RPTOR: variants seen among roughly 807,000 people sequenced by gnomAD.
RPTOR encodes the protein regulatory-associated protein of mTOR.
RPTOR carries 21 observed loss-of-function variants against 169.9 expected under a neutral mutation model. The ratio of observed to expected loss-of-function variants is 0.12; its 90% CI spans 0.09 to 0.18. RPTOR has a LOEUF of 0.18. RPTOR is among the 10% of genes least tolerant of loss of function. RPTOR has a pLI of 1.00. For missense variants in RPTOR, 1,133 were observed against 1,855.9 expected (o/e 0.61, Z 7.16); for synonymous variants, 732 against 753.2 (o/e 0.97, Z 0.46).
At chr17:80,949,798 C>T (rs1004910617) in intron 28 of RPTOR, among the ~76,000 whole-genome samples, 7 of 152,386 alleles carry the variant, frequency 4.6e-5, no homozygotes, top group South Asian at 2.1e-4. Context: ...CTGTCCCCAA[C>T]CTTCATCCTT....
rs369927723 is a variant in RPTOR, at chr17:80,857,754, C to T, written c.1399-36C>T. 52 of 1,507,588 alleles carry T rather than the reference C, an allele frequency of 3.4e-5. 1 individual carries two copies. Among genetic ancestry groups the T allele is most frequent in the Middle Eastern group, 3.4e-4 (2 of 5,800 alleles). The allele number at this position is 1,507,588 out of a possible 1,614,324, so 93.4% of individuals were successfully genotyped here. A position where few individuals can be genotyped will look rare whatever the true frequency, so the allele number is the denominator to read the frequency against. On this transcript the variant is annotated intron_variant, in intron 12 of 33. Coordinates refer to ENST00000306801, the MANE Select transcript of RPTOR (RefSeq NM_020761.3). The stretch of plus-strand genomic sequence containing the variant: ...CCTGCTGCTGCCCGTTCCCTTGCTG[C>T]GGCACAGGTGCGCTGACGCCCTCCC...
At chr17:80,789,518 T>C (rs530628793) in intron 6 of RPTOR, among the ~76,000 whole-genome samples, 14 of 152,294 alleles carry the variant, frequency 9.2e-5, no homozygotes, top group Admixed American at 5.2e-4. Flanking sequence ...TCCACGGGGA[T>C]CCTGGGAATA....
chr17:80,743,536 C>T, intron 5 of RPTOR: 1 of 819,508 alleles, frequency 1.2e-6, no homozygotes, highest in Non-Finnish European at 1.5e-6. Context: ...TGAAAGAGGT[C>T]ATCAGTTCTT....
chr17:80,811,969 A>ACACAGC (rs1279967473), intron 7 of RPTOR, among the ~76,000 whole-genome samples: 42 of 151,898 alleles, frequency 2.8e-4, no homozygotes, highest in Non-Finnish European at 5.9e-5. Context: ...CACCCGTGGG[A>ACACAGC]CACAGCCACA....
chr17:80,879,483 A>T (rs1218133711), intron 13 of RPTOR, among the ~76,000 whole-genome samples: 1 of 147,662 alleles, frequency 6.8e-6, no homozygotes, highest in African/African-American at 2.5e-5. Flanking sequence ...TAGCAGCAGG[A>T]GTCTTTTCCC....
At chr17:80,800,973 C>A (rs925235596) in intron 7 of RPTOR, among the ~76,000 whole-genome samples, 8 of 152,358 alleles carry the variant, frequency 5.3e-5, no homozygotes, top group African/African-American at 1.9e-4. Context: ...TCTGGTAGCA[C>A]GGCTGCCCCG....
In RPTOR at chr17:80,845,034, GT is replaced by G. The variant is rs1175670918; in HGVS notation, c.1213-1437del. Among the ~76,000 whole-genome samples the G allele has an allele frequency of 9.2e-5, 14 of 151,452 alleles. No homozygotes were observed. The highest frequency in any genetic ancestry group is 1.5e-5 in the Non-Finnish European group (1 of 67,870). On this transcript the variant is annotated intron_variant, in intron 10 of 33. Coordinates refer to ENST00000306801, the MANE Select transcript of RPTOR (RefSeq NM_020761.3). The surrounding 1 kb of genome is among the most constrained non-coding windows in gnomAD (Gnocchi z 5.4). ...GGGCTCAGGGAAGGCAGAGCTGTGT[GT>G]TAAGTGGAAGTGACTCTCCGTGGAG...
intron 3 of RPTOR, among the ~76,000 whole-genome samples, chr17:80,672,769 G>A (rs934808380): frequency 4.0e-5 from 6 of 151,844 alleles, no homozygotes; most frequent in Non-Finnish European, 7.4e-5. Context: ...CAGCCTGGGC[G>A]ACAGAGCGAG....
At chr17:80,808,902 T>C (rs944055432) in intron 7 of RPTOR, among the ~76,000 whole-genome samples, 1 of 152,236 alleles carries the variant, frequency 6.6e-6, no homozygotes, top group Non-Finnish European at 1.5e-5. Context: ...GTGTCACAGT[T>C]TGTTTCACCT....
rs2069115829 is a variant in RPTOR, at chr17:80,947,356, G to A, written c.3265+5G>A. On this transcript the variant is annotated splice_donor_5th_base_variant and intron_variant, in intron 27 of 33. Coordinates refer to ENST00000306801, the MANE Select transcript of RPTOR (RefSeq NM_020761.3). The surrounding 1 kb of genome is among the most constrained non-coding windows in gnomAD (Gnocchi z 4.4). ...CGCTTCTGCTGACGGCCACAGGTGAGCGGGGTTTGCACAGCCAGGATTGGA... is the reference window on the plus strand; with the variant it reads ...CGCTTCTGCTGACGGCCACAGGTGAACGGGGTTTGCACAGCCAGGATTGGA... 3.2e-6 allele frequency: 5 copies of A among 1,557,976 alleles called. No homozygotes were observed. The highest frequency in any genetic ancestry group is 3.5e-6 in the Non-Finnish European group (4 of 1,154,346).
In RPTOR at chr17:80,625,830, G is replaced by A. The variant is rs374291231; in HGVS notation, c.265+37G>A. 80 of 1,470,648 alleles carry A rather than the reference G, an allele frequency of 5.4e-5. No individual in the cohort carries two copies. The African/African-American group carries it at 7.6e-4, about 14-fold the overall frequency. 91.1% of individuals were successfully genotyped at this position (1,470,648 alleles called of 1,614,324 possible). A position where few individuals can be genotyped will look rare whatever the true frequency, so the allele number is the denominator to read the frequency against. ...TCCCTCACGCGCTGCCACAAAGGCC[G>A]TCTGGCCGGCTCTGGCCTGGGCGGG... On this transcript the variant is annotated intron_variant, in intron 2 of 33. Transcript: ENST00000306801.
At chr17:80,931,781 CAG>C (rs1377034205) in intron 24 of RPTOR, among the ~76,000 whole-genome samples, 1 of 152,208 alleles carries the variant, frequency 6.6e-6, no homozygotes, top group East Asian at 1.9e-4. Flanking sequence ...CTGCCTCAGT[CAG>C]AGTCTGGGCT....
chr17:80,748,261 G>A (rs368493898), intron 5 of RPTOR, among the ~76,000 whole-genome samples: 27 of 37,774 alleles, frequency 7.1e-4, no homozygotes, highest in African/African-American at 3.5e-3. Flanking sequence ...TTTGGAGGCC[G>A]TGGCGGGAGG....
At chr17:80,850,385 C>G (rs368698229) in intron 11 of RPTOR, among the ~76,000 whole-genome samples, 1 of 152,212 alleles carries the variant, frequency 6.6e-6, no homozygotes, top group African/African-American at 2.4e-5. Context: ...GCAACAGACA[C>G]GATTTCATTC....
intron 21 of RPTOR, among the ~76,000 whole-genome samples, chr17:80,913,746 C>T (rs2068639202): frequency 6.6e-6 from 1 of 152,162 alleles, no homozygotes; most frequent in Non-Finnish European, 1.5e-5. Context: ...AGCCACTGCA[C>T]CTGGCCTGCT....
intron 5 of RPTOR, among the ~76,000 whole-genome samples, chr17:80,742,614 CACAT>C (rs1472942682): frequency 6.6e-6 from 1 of 151,374 alleles, no homozygotes; most frequent in South Asian, 2.1e-4. Flanking sequence ...AGATGCCACA[CACAT>C]ACACACGCAC....
intron 3 of RPTOR, among the ~76,000 whole-genome samples, chr17:80,688,046 C>T (rs574781140): frequency 3.9e-5 from 6 of 152,296 alleles, no homozygotes; most frequent in Admixed American, 6.5e-5. Context: ...CATGCTGTAG[C>T]CCAAAGCATG....
chr17:80,708,334 C>T lies in RPTOR; in HGVS notation c.507+335C>T, dbSNP rs1010725868. On this transcript the variant is annotated intron_variant, in intron 4 of 33. Transcript: ENST00000306801. The surrounding 1 kb of genome is among the most constrained non-coding windows in gnomAD (Gnocchi z 4.2). Reference sequence around the variant, plus strand: ...AAAAAATTGCACAATTTCTCAATTTCGTTAGAATCTTTCTTTAAGCATCGG... The same window carrying T: ...AAAAAATTGCACAATTTCTCAATTTTGTTAGAATCTTTCTTTAAGCATCGG... Among the ~76,000 whole-genome samples, 1 of 152,194 alleles carries T rather than the reference C, an allele frequency of 6.6e-6. No homozygotes were observed. The highest frequency in any genetic ancestry group is 1.5e-5 in the Non-Finnish European group (1 of 68,020).
intron 2 of RPTOR, among the ~76,000 whole-genome samples, chr17:80,638,567 A>G (rs929891197): frequency 6.6e-6 from 1 of 151,898 alleles, no homozygotes; most frequent in African/African-American, 2.4e-5. Context: ...ACGCTGATTA[A>G]TTAAAAAAAA....
Sources: gnomAD v4.1 joint callset for allele counts (sites outside exome capture counted in the v4.1 genomes callset) on GRCh38, gnomAD v4.1.1 for gene constraint, Gnocchi (gnomAD v3.1) non-coding constraint, MANE v1.5 for transcripts, NCBI Gene and HGNC (gene_info 2026-07-23, HGNC 2026-07-21) for gene names.